The following PDSS2 variants were observed in gnomAD, a reference collection of about 807,000 sequenced individuals.
PDSS2 encodes all trans-polyprenyl-diphosphate synthase PDSS2.
In PDSS2, 31 loss-of-function variants were observed where a neutral mutation model predicts 44.5. The ratio of observed to expected loss-of-function variants is 0.70; its 90% CI spans 0.52 to 0.94. The LOEUF (loss-of-function observed/expected upper bound fraction) is 0.94, where lower values mean the gene tolerates loss of function less well. Ranked by LOEUF, PDSS2 falls within the 40% of genes least tolerant of loss-of-function variation. The pLI, the probability that PDSS2 is intolerant of heterozygous loss-of-function variation, is 0.00. For missense variants in PDSS2, 452 were observed against 482.2 expected, an observed-to-expected ratio of 0.94 and a Z score of 0.59; for synonymous variants, 157 against 180.3, an observed-to-expected ratio of 0.87 and a Z score of 1.03.
chr6:107,424,155 T>C (rs887174278), intron 1 of PDSS2, among the ~76,000 whole-genome samples: 1 of 147,674 alleles, frequency 6.8e-6, no homozygotes, highest in African/African-American at 2.5e-5. Flanking sequence ...GATCCTCCCA[T>C]GACAGCATCT....
At chr6:107,415,162 T>A (rs7747917) in intron 1 of PDSS2, among the ~76,000 whole-genome samples, 14 of 152,044 alleles carry the variant, frequency 9.2e-5, no homozygotes, top group East Asian at 1.9e-4. Flanking sequence ...TTTTTTTTTT[T>A]ATTTTAGTTC....
chr6:107,215,678 A>T (rs1376359747), intron 4 of PDSS2, among the ~76,000 whole-genome samples: 1 of 152,216 alleles, frequency 6.6e-6, no homozygotes, highest in Admixed American at 6.5e-5. Context: ...AAAAACTACT[A>T]TAAACTAGAA....
At position 107,344,475 on chromosome 6, in the gene PDSS2, C is replaced by G. The variant is rs143191656; in HGVS notation, c.297-10143G>C. ...CCTGAGGTGACCAGCCTTTAGAATA[C>G]AGGAGCTGTGGCAGTCATTGATATG... is the stretch of plus-strand genomic sequence containing the variant. On this transcript the variant is annotated intron_variant, in intron 1 of 7. Coordinates refer to ENST00000369037, the MANE Select transcript of PDSS2 (RefSeq NM_020381.4). Among the ~76,000 whole-genome samples the G allele has an allele frequency of 7.4e-3, 1,131 of 152,260 alleles. 10 individuals carry two copies. The highest frequency in any genetic ancestry group is 0.026 in the African/African-American group (1,081 of 41,560).
At chr6:107,345,268 G>A (rs1230157688) in intron 1 of PDSS2, among the ~76,000 whole-genome samples, 1 of 150,668 alleles carries the variant, frequency 6.6e-6, no homozygotes, top group East Asian at 2.0e-4. Flanking sequence ...AATAGAATCT[G>A]CCATTCAAAT....
intron 2 of PDSS2, among the ~76,000 whole-genome samples, chr6:107,322,686 A>T (rs570440871): frequency 1.3e-5 from 2 of 152,226 alleles, no homozygotes; most frequent in East Asian, 3.9e-4. Context: ...TCTACAAAAA[A>T]TACAAAAACA....
At chr6:107,358,866 A>ATGTC (rs1778670495) in intron 1 of PDSS2, among the ~76,000 whole-genome samples, 1 of 152,092 alleles carries the variant, frequency 6.6e-6, no homozygotes, top group African/African-American at 2.4e-5. Context: ...ATATTGGCAA[A>ATGTC]TGTCCCCAGG....
At chr6:107,258,945 CTTTG>C (rs1306317410) in intron 3 of PDSS2, among the ~76,000 whole-genome samples, 2 of 152,116 alleles carry the variant, frequency 1.3e-5, no homozygotes, top group Non-Finnish European at 2.9e-5. Context: ...TATCATGGTT[CTTTG>C]TTGGTCTGTC....
intron 6 of PDSS2, among the ~76,000 whole-genome samples, chr6:107,205,956 C>A (rs1376428428): frequency 6.6e-6 from 1 of 152,218 alleles, no homozygotes. Context: ...GTAGATGAGA[C>A]ACAAACCTGC....
chr6:107,180,538 TC>T (rs1418150060), intron 7 of PDSS2, among the ~76,000 whole-genome samples: 1 of 152,180 alleles, frequency 6.6e-6, no homozygotes, highest in African/African-American at 2.4e-5. Context: ...ATTCATTCAT[TC>T]GACAGTCAGT....
At chr6:107,438,066 C>G (rs1158348387) in intron 1 of PDSS2, among the ~76,000 whole-genome samples, 3 of 152,122 alleles carry the variant, frequency 2.0e-5, no homozygotes, top group Non-Finnish European at 4.4e-5. Context: ...ACGAAGTGGG[C>G]ATGGTGATCC....
In PDSS2 at chr6:107,251,586, A is replaced by C. The variant is rs545510010; in HGVS notation, c.631-5967T>G. 8.9e-4 allele frequency among the ~76,000 whole-genome samples: 135 copies of C among 152,390 alleles called. 1 individual carries two copies. The highest frequency in any genetic ancestry group is 3.0e-3 in the African/African-American group (125 of 41,602). On this transcript the variant is annotated intron_variant, in intron 3 of 7. Coordinates refer to ENST00000369037, the MANE Select transcript of PDSS2 (RefSeq NM_020381.4). The stretch of plus-strand genomic sequence containing the variant: ...TCCTCCACCCCCAGGAACAAACAGC[A>C]ATGCATGAAGTAGTAGCAAAGGTAA...
At chr6:107,435,230 G>T (rs191356992) in intron 1 of PDSS2, among the ~76,000 whole-genome samples, 1 of 150,506 alleles carries the variant, frequency 6.6e-6, no homozygotes. Flanking sequence ...AGTGAGCTAT[G>T]ATCATGCCAC....
At chr6:107,387,026 C>T (rs978628507) in intron 1 of PDSS2, among the ~76,000 whole-genome samples, 4 of 152,130 alleles carry the variant, frequency 2.6e-5, no homozygotes, top group Admixed American at 1.3e-4. Context: ...TAACTTAATC[C>T]ACAAGCTGCT....
At chr6:107,254,154 C>T (rs907500904) in intron 3 of PDSS2, among the ~76,000 whole-genome samples, 14 of 151,526 alleles carry the variant, frequency 9.2e-5, no homozygotes, top group African/African-American at 3.1e-4. Context: ...CTGCCTCAGC[C>T]TCCTGAGTAG....
intron 4 of PDSS2, among the ~76,000 whole-genome samples, chr6:107,228,454 GA>G (rs1381915021): frequency 1.3e-5 from 2 of 152,296 alleles, no homozygotes; most frequent in African/African-American, 4.8e-5. Context: ...AGCACTTTGG[GA>G]GGCCGAGGTG....
chr6:107,193,727 T>A, intron 7 of PDSS2, 95 bp downstream of exon 7: 1 of 811,522 alleles, frequency 1.2e-6, no homozygotes, highest in South Asian at 1.4e-5. Context: ...CAGCTCTCAA[T>A]GTGATCATTC....
At chr6:107,320,465 A>G (rs1181967939) in intron 2 of PDSS2, among the ~76,000 whole-genome samples, 1 of 152,182 alleles carries the variant, frequency 6.6e-6, no homozygotes, top group African/African-American at 2.4e-5. Context: ...CAGCACTGAC[A>G]TTTCAGGACT....
intron 3 of PDSS2, among the ~76,000 whole-genome samples, chr6:107,255,823 G>T (rs1775001038): frequency 6.6e-6 from 1 of 152,080 alleles, no homozygotes; most frequent in Non-Finnish European, 1.5e-5. Context: ...TATTTTTAGA[G>T]GTATTTATTT....
intron 1 of PDSS2, among the ~76,000 whole-genome samples, chr6:107,445,188 TTATA>T (rs60071847): frequency 6.7e-6 from 1 of 149,820 alleles, no homozygotes. Flanking sequence ...ATTACATATT[TTATA>T]TATATATATA....
Sources: allele counts gnomAD v4.1 joint callset (sites outside exome capture counted in the v4.1 genomes callset), GRCh38; gene constraint gnomAD v4.1.1; transcripts MANE v1.5; gene names NCBI Gene and HGNC (gene_info 2026-07-23, HGNC 2026-07-21).